Variants in DISC1 observed in about 807,000 individuals in gnomAD.
The protein encoded by DISC1 is DISC1 scaffold protein.
A neutral mutation model predicts 84.5 loss-of-function variants in DISC1; 57 were observed. The ratio of observed to expected loss-of-function variants is 0.67; its 90% CI spans 0.55 to 0.84. DISC1 has a LOEUF of 0.84. DISC1 is among the 40% of genes least tolerant of loss of function. The pLI, the probability that DISC1 is intolerant of heterozygous loss-of-function variation, is 0.00. For missense variants in DISC1, 1,000 were observed against 1,057.8 expected, an observed-to-expected ratio of 0.95 and a Z score of 0.76; for synonymous variants, 411 against 415.2, an observed-to-expected ratio of 0.99 and a Z score of 0.12.
chr1:231,934,380 C>A (rs1262288009), intron 9 of DISC1, among the ~76,000 whole-genome samples: 1 of 152,210 alleles, frequency 6.6e-6, no homozygotes, highest in Non-Finnish European at 1.5e-5. Flanking sequence ...CCGTGTGTAT[C>A]CAGGGCGTGG....
At chr1:231,803,733 G>A (rs567411772) in intron 8 of DISC1, among the ~76,000 whole-genome samples, 2 of 152,124 alleles carry the variant, frequency 1.3e-5, no homozygotes, top group African/African-American at 4.8e-5. Flanking sequence ...TGGATCACGA[G>A]GTCAGGAGAT....
Position 232,026,308 on chromosome 1 carries a change from A to G in DISC1, c.2308-127A>G, listed in dbSNP as rs1397452044. ...TTCTCAAGTTTGATACCCAGGGGAG[A>G]CACAGGCCCTAGCACAATTCTGACT... On this transcript the variant is annotated intron_variant, in intron 11 of 12. Transcript: ENST00000439617. The G allele has an allele frequency of 9.4e-6, 6 of 640,020 alleles. No homozygotes were observed. In the Admixed American group the frequency reaches 1.1e-4, roughly 12 times the overall value. The allele number at this position is 640,020 out of a possible 1,614,324, so 39.6% of individuals were successfully genotyped here.
chr1:231,863,220 C>CTTTTTTTTTTTT (rs533463099), intron 9 of DISC1, among the ~76,000 whole-genome samples: 2 of 54,758 alleles, frequency 3.7e-5, no homozygotes, highest in African/African-American at 7.6e-5. Context: ...ATAAAATGTT[C>CTTTTTTTTTTTT]TTTTTTTTTT....
intron 10 of DISC1, among the ~76,000 whole-genome samples, chr1:231,976,544 A>C (rs927212806): frequency 6.6e-6 from 1 of 152,264 alleles, no homozygotes; most frequent in Admixed American, 6.5e-5. Context: ...GTTGAAGAAC[A>C]AACAAGGAGC....
intron 1 of DISC1, among the ~76,000 whole-genome samples, chr1:231,690,215 C>A (rs964086789): frequency 3.9e-5 from 6 of 152,176 alleles, no homozygotes; most frequent in Non-Finnish European, 7.3e-5. Flanking sequence ...TCATATATTA[C>A]CAGGGCAAGC....
intron 12 of DISC1, among the ~76,000 whole-genome samples, chr1:232,028,423 A>C (rs1669680858): frequency 6.6e-6 from 1 of 152,166 alleles, no homozygotes; most frequent in Middle Eastern, 3.2e-3. Flanking sequence ...TCTTATTTTT[A>C]CTAGAGCTGG....
chr1:231,858,072 C>T (rs764282119), intron 9 of DISC1, among the ~76,000 whole-genome samples: 16 of 152,144 alleles, frequency 1.1e-4, no homozygotes, highest in South Asian at 2.1e-4. Flanking sequence ...GGAGAAGCAT[C>T]CAAGCAAACA....
Position 231,923,306 on chromosome 1 carries a change from C to CAAAAAAA in DISC1, c.1982-35522_1982-35521insAAAAAAA, listed in dbSNP as rs1558738260. ...TGTCTCAAAAACAAAACAAAAAAAA[C>CAAAAAAA]CAAAAAAAAAAACAAAAAGAAAAAG... On this transcript the variant is annotated intron_variant, in intron 9 of 12. Transcript: ENST00000439617. 5.5e-5 allele frequency among the ~76,000 whole-genome samples: 6 copies of CAAAAAAA among 109,404 alleles called. 2 individuals carry two copies. Among genetic ancestry groups the CAAAAAAA allele is most frequent in the African/African-American group, 6.3e-5 (2 of 31,672 alleles). The allele number at this position is 109,404 out of a possible 152,430, so 71.8% of individuals were successfully genotyped here.
chr1:231,672,784 T>G (rs1426555629), intron 1 of DISC1, among the ~76,000 whole-genome samples: 1 of 152,216 alleles, frequency 6.6e-6, no homozygotes, highest in Non-Finnish European at 1.5e-5. Context: ...TTGTCTGCCT[T>G]GGCATTATTG....
chr1:232,034,939 TC>T (rs1670380090), intron 12 of DISC1, among the ~76,000 whole-genome samples: 1 of 151,832 alleles, frequency 6.6e-6, no homozygotes, highest in African/African-American at 2.4e-5. Flanking sequence ...GATTCTTTCC[TC>T]CCCTGATCAC....
chr1:231,814,966 A>ATAG (rs1229609678), intron 8 of DISC1: 1 of 147,716 alleles, frequency 6.8e-6, no homozygotes, highest in Non-Finnish European at 1.5e-5. Context: ...AATAATAATA[A>ATAG]TAATAATAAT....
At chr1:231,812,056 G>C (rs796981924) in intron 8 of DISC1, among the ~76,000 whole-genome samples, 42 of 152,130 alleles carry the variant, frequency 2.8e-4, no homozygotes, top group African/African-American at 9.2e-4. Flanking sequence ...AAGTACAGAG[G>C]GCAGGTATTT....
intron 1 of DISC1, among the ~76,000 whole-genome samples, chr1:231,679,924 C>T (rs1285720804): frequency 6.6e-6 from 1 of 152,164 alleles, no homozygotes; most frequent in Non-Finnish European, 1.5e-5. Flanking sequence ...TGTATGTAGT[C>T]ATGGCCTCTT....
intron 11 of DISC1, among the ~76,000 whole-genome samples, chr1:232,017,568 G>C (rs1045274527): frequency 6.6e-6 from 1 of 150,558 alleles, no homozygotes; most frequent in Non-Finnish European, 1.5e-5. Context: ...GTACTTTTGT[G>C]GATAGGTATT....
At chr1:231,968,781 C>T (rs183701140) in intron 10 of DISC1, among the ~76,000 whole-genome samples, 37 of 152,022 alleles carry the variant, frequency 2.4e-4, no homozygotes, top group African/African-American at 8.2e-4. Flanking sequence ...ATGAGTAACC[C>T]CTCTCCTGAG....
chr1:231,819,934 T>A (rs1028994571), intron 9 of DISC1, among the ~76,000 whole-genome samples: 15 of 152,164 alleles, frequency 9.9e-5, no homozygotes, highest in African/African-American at 3.6e-4. Flanking sequence ...GCCATTAATA[T>A]CTCTTTTTAA....
intron 3 of DISC1, among the ~76,000 whole-genome samples, chr1:231,741,920 G>T (rs2073332420): frequency 6.6e-6 from 1 of 152,178 alleles, no homozygotes; most frequent in South Asian, 2.1e-4. Flanking sequence ...GAACATCAAT[G>T]ACCCTGTGAC....
At chr1:231,794,924 G>A (rs549467135) in intron 6 of DISC1, among the ~76,000 whole-genome samples, 1 of 152,246 alleles carries the variant, frequency 6.6e-6, no homozygotes, top group East Asian at 1.9e-4. Flanking sequence ...TGGGAAGGTT[G>A]TTATAGGAAT....
chr1:231,915,162 T>C (rs1470761038), intron 9 of DISC1, among the ~76,000 whole-genome samples: 1 of 152,222 alleles, frequency 6.6e-6, no homozygotes, highest in African/African-American at 2.4e-5. Context: ...ATAATATTTG[T>C]TTAAAATATA....
Sources: gnomAD v4.1 joint callset for allele counts (sites outside exome capture counted in the v4.1 genomes callset) on GRCh38, gnomAD v4.1.1 for gene constraint, MANE v1.5 for transcripts, NCBI Gene and HGNC (gene_info 2026-07-23, HGNC 2026-07-21) for gene names.